The following CDC14B variants were observed in gnomAD, a reference collection of about 807,000 sequenced individuals.
CDC14B encodes dual specificity protein phosphatase CDC14B.
A neutral mutation model predicts 64.2 loss-of-function variants in CDC14B; 22 were observed. That is an observed-to-expected ratio of 0.34 (90% CI 0.24 to 0.49). The LOEUF (loss-of-function observed/expected upper bound fraction) is 0.49. CDC14B is among the 20% of genes least tolerant of loss of function. The pLI, the probability that CDC14B is intolerant of heterozygous loss-of-function variation, is 0.99. For missense variants in CDC14B, 498 were observed against 629.9 expected (o/e 0.79, Z 2.24); for synonymous variants, 191 against 215.8 (o/e 0.89, Z 1.01).
downstream of CDC14B, among the ~76,000 whole-genome samples, chr9:96,498,829 G>C (rs1833358159): frequency 1.3e-5 from 2 of 152,366 alleles, no homozygotes; most frequent in South Asian, 4.1e-4. Context: ...GAAGCAGAGG[G>C]GATGAGCAAA....
At chr9:96,510,034 G>C (rs925066927) in intron 12 of CDC14B, among the ~76,000 whole-genome samples, 4 of 152,198 alleles carry the variant, frequency 2.6e-5, no homozygotes, top group Non-Finnish European at 2.9e-5. Flanking sequence ...GAAGGCGAAT[G>C]ACTTGGCATT....
intron 5 of CDC14B, 141 bp downstream of exon 5, chr9:96,551,655 G>A: frequency 8.3e-7 from 1 of 1,197,968 alleles, no homozygotes. Flanking sequence ...GTGTCACTGT[G>A]GAAAAACCCA....
At chr9:96,543,096 C>T (rs967229594) in intron 5 of CDC14B, among the ~76,000 whole-genome samples, 4 of 150,976 alleles carry the variant, frequency 2.6e-5, no homozygotes, top group Admixed American at 2.6e-4. Flanking sequence ...CACCACTTTG[C>T]GAGGCCGAGG....
intron 1 of CDC14B, among the ~76,000 whole-genome samples, chr9:96,589,829 C>T (rs546263427): frequency 5.1e-4 from 78 of 151,854 alleles, no homozygotes; most frequent in African/African-American, 1.8e-3. Context: ...GGCGTGGTGG[C>T]GGGTGCCTGT....
chr9:96,553,544 A>G (rs1385795907), intron 4 of CDC14B, among the ~76,000 whole-genome samples: 1 of 151,616 alleles, frequency 6.6e-6, no homozygotes, highest in African/African-American at 2.4e-5. Flanking sequence ...TATTTTTAGT[A>G]GAGATGGGGT....
Position 96,515,922 on chromosome 9 carries a change from T to C in CDC14B, c.1344-6133A>G, listed in dbSNP as rs1835591271. On this transcript the variant is annotated intron_variant, in intron 12 of 13. Coordinates refer to ENST00000375241, the MANE Select transcript of CDC14B (RefSeq NM_033331.4). The surrounding 1 kb of genome is among the most constrained non-coding windows in gnomAD (Gnocchi z 4.3). The stretch of plus-strand genomic sequence containing the variant: ...AAAGCCCAGCCAACAGCAACAGGGA[T>C]ACAAAGGGGTGGTCAACAAGGATGG... 1.4e-6 allele frequency: 1 copy of C among 697,972 alleles called. No homozygotes were observed. The allele number at this position is 697,972 out of a possible 1,614,324, so 43.2% of individuals were successfully genotyped here.
chr9:96,521,378 C>T (rs1048604226), intron 12 of CDC14B, among the ~76,000 whole-genome samples: 5 of 152,144 alleles, frequency 3.3e-5, no homozygotes, highest in Non-Finnish European at 7.4e-5. Context: ...CACACCTGGC[C>T]AAAAGGCACC....
At position 96,604,966 on chromosome 9, in the gene CDC14B, AG is replaced by A. The variant is rs147937644; in HGVS notation, c.160+14252del. On this transcript the variant is annotated intron_variant, in intron 1 of 13. Transcript: ENST00000375241. ...ATTACAGGTGTGAGCCACTGTGCCC[AG>A]CTGAAGCTTGCATTTTAAACACCCA... is the stretch of plus-strand genomic sequence containing the variant. Among the ~76,000 whole-genome samples the A allele has an allele frequency of 9.6e-3, 1,463 of 152,180 alleles. 22 individuals carry two copies. Among genetic ancestry groups the A allele is most frequent in the African/African-American group, 0.033 (1,374 of 41,520 alleles).
At chr9:96,567,173 G>C in intron 1 of CDC14B, 1 of 349,320 alleles carries the variant, frequency 2.9e-6, no homozygotes, top group Middle Eastern at 9.0e-4. Context: ...CCGCAGAGGG[G>C]ACATGCGTCA....
Position 96,515,882 on chromosome 9 carries a change from AT to A in CDC14B, c.1344-6094del. On this transcript the variant is annotated intron_variant, in intron 12 of 13. Coordinates refer to ENST00000375241, the MANE Select transcript of CDC14B (RefSeq NM_033331.4). The surrounding 1 kb of genome is among the most constrained non-coding windows in gnomAD (Gnocchi z 4.3). ...CATCAATCAATCAAGCCATATGTGAATTTTAGACACCCTAAAAGCCCAGCCA... is the reference window on the plus strand; with the variant it reads ...CATCAATCAATCAAGCCATATGTGAATTTAGACACCCTAAAAGCCCAGCCA... 2.4e-6 allele frequency: 3 copies of A among 1,262,938 alleles called. No individual in the cohort carries two copies. The highest frequency in any genetic ancestry group is 3.2e-6 in the Non-Finnish European group (3 of 927,812). The allele number at this position is 1,262,938 out of a possible 1,614,324, so 78.2% of individuals were successfully genotyped here. A position where few individuals can be genotyped will look rare whatever the true frequency, so the allele number is the denominator to read the frequency against.
rs1329699248 is a variant in CDC14B at position 96,522,570 on chromosome 9, G to T, written c.1279C>A (p.Gln427Lys). ...SDDDEINGVT[Q>K]GDRLRALKSR... ...TTCAAGGCCCGAAGTCTATCACCTT[G>T]TGTCACTCCATTGATTTCGTCATCA... The change falls in exon 12 of 14, where the codon CAA (glutamine) becomes AAA (lysine). Residue 427 changes from glutamine (Q) to lysine (K), a missense_variant. Physicochemically the swap from Gln to Lys is moderately conservative, Grantham distance 53 (BLOSUM62 1). Coordinates refer to ENST00000375241, the MANE Select transcript of CDC14B (RefSeq NM_033331.4). The T allele has an allele frequency of 4.3e-6, 7 of 1,613,100 alleles. No individual in the cohort carries two copies. In the Admixed American group the frequency reaches 1.2e-4, roughly 27 times the overall value.
chr9:96,587,406 A>G (rs896184838), intron 1 of CDC14B, among the ~76,000 whole-genome samples: 3 of 152,200 alleles, frequency 2.0e-5, no homozygotes, highest in Non-Finnish European at 4.4e-5. Context: ...GGGGATCCTG[A>G]CAGACAAAAG....
At chr9:96,522,144 T>A (rs1429386612) in intron 12 of CDC14B, among the ~76,000 whole-genome samples, 1 of 152,234 alleles carries the variant, frequency 6.6e-6, no homozygotes, top group Non-Finnish European at 1.5e-5. Context: ...TCAAAACAAA[T>A]GATCTGCAAC....
chr9:96,496,438 T>C (rs1198712284), downstream of CDC14B: 4 of 451,654 alleles, frequency 8.9e-6, no homozygotes, highest in Non-Finnish European at 1.3e-5. Flanking sequence ...GGCTTGAGTT[T>C]GTGTGGACGG....
intron 13 of CDC14B, among the ~76,000 whole-genome samples, chr9:96,504,335 C>G (rs560580194): frequency 4.6e-5 from 7 of 152,112 alleles, no homozygotes; most frequent in African/African-American, 1.7e-4. Context: ...CTCATCCTGC[C>G]TCTCTTCTCT....
In CDC14B at chr9:96,596,323, C is replaced by T. The variant is rs567125165; in HGVS notation, c.160+22896G>A. On this transcript the variant is annotated intron_variant, in intron 1 of 13. Coordinates refer to ENST00000375241, the MANE Select transcript of CDC14B (RefSeq NM_033331.4). ...GTCATAGTGAGCCGAGATTGTGCTACGACACACCAGCCTGCTGGGAGACAG... is the reference window on the plus strand; with the variant it reads ...GTCATAGTGAGCCGAGATTGTGCTATGACACACCAGCCTGCTGGGAGACAG... Among the ~76,000 whole-genome samples, 29 of 144,918 alleles carry T rather than the reference C, an allele frequency of 2.0e-4. No individual in the cohort carries two copies. In the South Asian group the frequency reaches 4.3e-3, roughly 21 times the overall value.
intron 1 of CDC14B, among the ~76,000 whole-genome samples, chr9:96,610,434 G>A (rs772398619): frequency 7.2e-5 from 11 of 151,990 alleles, no homozygotes; most frequent in Non-Finnish European, 1.0e-4. Context: ...TCCTGACCTC[G>A]TGATCCACCC....
At chr9:96,595,494 C>T (rs1382024939) in intron 1 of CDC14B, among the ~76,000 whole-genome samples, 1 of 152,182 alleles carries the variant, frequency 6.6e-6, no homozygotes, top group East Asian at 1.9e-4. Context: ...TCTACCTATA[C>T]ACACCCACAT....
At chr9:96,494,836 CCCCTCCCCTT>C (rs1318080690) in intron 13 of CDC14B, among the ~76,000 whole-genome samples, 1 of 143,158 alleles carries the variant, frequency 7.0e-6, no homozygotes, top group Non-Finnish European at 1.5e-5. Context: ...CCCCTCCCCT[CCCCTCCCCTT>C]TCTTTTTTGT....
Sources: gnomAD v4.1 joint callset for allele counts (sites outside exome capture counted in the v4.1 genomes callset) on GRCh38, gnomAD v4.1.1 for gene constraint, Gnocchi (gnomAD v3.1) non-coding constraint, MANE v1.5 for transcripts, NCBI Gene and HGNC (gene_info 2026-07-23, HGNC 2026-07-21) for gene names.